BBS9: variants seen among roughly 807,000 people sequenced by gnomAD.
The protein encoded by BBS9 is Bardet-Biedl syndrome 9, also known as protein PTHB1.
A neutral mutation model predicts 117.7 loss-of-function variants in BBS9; 89 were observed. The ratio of observed to expected loss-of-function variants is 0.76; its 90% confidence interval spans 0.64 to 0.90. BBS9 has a LOEUF of 0.90. BBS9 is among the 40% of genes least tolerant of loss of function. The pLI, the probability that BBS9 is intolerant of heterozygous loss-of-function variation, is 0.00. For missense variants in BBS9, 982 were observed against 1,042.2 expected, an observed-to-expected ratio of 0.94 and a Z score of 0.80; for synonymous variants, 379 against 370.9, an observed-to-expected ratio of 1.02 and a Z score of -0.25.
At chr7:33,224,641 A>G (rs975602743) in intron 5 of BBS9, among the ~76,000 whole-genome samples, 7 of 152,004 alleles carry the variant, frequency 4.6e-5, no homozygotes, top group Non-Finnish European at 8.8e-5. Context: ...TACTTGTCGA[A>G]TAGGTTGGAT....
At chr7:33,233,141 T>G (rs1420520246) in intron 5 of BBS9, among the ~76,000 whole-genome samples, 2 of 152,160 alleles carry the variant, frequency 1.3e-5, no homozygotes, top group Non-Finnish European at 2.9e-5. Context: ...GCTGAAGTAA[T>G]CTTCAAGGTT....
intron 5 of BBS9, among the ~76,000 whole-genome samples, chr7:33,186,005 T>C (rs1798756733): frequency 6.6e-6 from 1 of 152,246 alleles, no homozygotes. Context: ...CTTTGTCTTT[T>C]ATTAAAAATA....
chr7:33,477,128 A>G (rs1356732842), intron 19 of BBS9, among the ~76,000 whole-genome samples: 3 of 152,208 alleles, frequency 2.0e-5, no homozygotes, highest in African/African-American at 7.2e-5. Context: ...TAAGATGGTG[A>G]TAATAAAGGT....
At chr7:33,164,968 G>A (rs577654564) in intron 4 of BBS9, among the ~76,000 whole-genome samples, 6 of 152,168 alleles carry the variant, frequency 3.9e-5, no homozygotes, top group Admixed American at 2.0e-4. Flanking sequence ...GGCTGATACC[G>A]GTCTTTCCTT....
At chr7:33,420,297 C>T (rs147409325) in intron 19 of BBS9, among the ~76,000 whole-genome samples, 8 of 152,274 alleles carry the variant, frequency 5.3e-5, no homozygotes, top group Non-Finnish European at 7.4e-5. Context: ...GACTGAGCTT[C>T]GGTTCTGACC....
At chr7:33,430,860 G>A (rs969471657) in intron 19 of BBS9, among the ~76,000 whole-genome samples, 2 of 152,090 alleles carry the variant, frequency 1.3e-5, no homozygotes, top group Non-Finnish European at 1.5e-5. Context: ...AAAAGAGTTG[G>A]CCGTAGGTGT....
Position 33,500,531 on chromosome 7 carries a change from C to A in BBS9, c.2116-4932C>A, listed in dbSNP as rs184561288. ...GGGACAGGGGGTCAGCAGTTCCTAT[C>A]TCAGAGGGTTGTCATGAGGACCACA... On this transcript the variant is annotated intron_variant, in intron 19 of 22. Transcript: ENST00000242067. Among the ~76,000 whole-genome samples, 22 of 152,272 alleles carry A rather than the reference C, an allele frequency of 1.4e-4. No homozygotes were observed. In the East Asian group the frequency reaches 4.2e-3, roughly 29 times the overall value.
At chr7:33,224,645 G>T (rs1790905856) in intron 5 of BBS9, among the ~76,000 whole-genome samples, 1 of 152,096 alleles carries the variant, frequency 6.6e-6, no homozygotes, top group African/African-American at 2.4e-5. Flanking sequence ...TGTCGAATAG[G>T]TTGGATTGTT....
intron 16 of BBS9, among the ~76,000 whole-genome samples, chr7:33,363,382 C>T (rs998956268): frequency 1.3e-5 from 2 of 152,196 alleles, no homozygotes; most frequent in African/African-American, 2.4e-5. Flanking sequence ...GGATTACAGG[C>T]GTGAGCCACC....
downstream of BBS9, among the ~76,000 whole-genome samples, chr7:33,607,203 A>G (rs1229514155): frequency 6.6e-6 from 1 of 152,152 alleles, no homozygotes; most frequent in South Asian, 2.1e-4. Context: ...CTAATCTCCT[A>G]AAAGAAGTCA....
intron 19 of BBS9, among the ~76,000 whole-genome samples, chr7:33,411,009 GT>G (rs1831029431): frequency 2.2e-5 from 2 of 91,590 alleles, no homozygotes; most frequent in Non-Finnish European, 4.6e-5. Flanking sequence ...TAAAATGTTG[GT>G]GTTTTTTTTT....
chr7:33,613,415 A>G (rs925227476), intron 21 of BBS9, among the ~76,000 whole-genome samples: 1 of 152,020 alleles, frequency 6.6e-6, no homozygotes, highest in Non-Finnish European at 1.5e-5. Flanking sequence ...CAAAGTTTGT[A>G]TATTTTCACT....
At chr7:33,233,646 A>C (rs889915564) in intron 5 of BBS9, among the ~76,000 whole-genome samples, 8 of 152,210 alleles carry the variant, frequency 5.3e-5, no homozygotes, top group African/African-American at 1.7e-4. Flanking sequence ...CTGTTCAGCT[A>C]TCATAGATGA....
intron 19 of BBS9, among the ~76,000 whole-genome samples, chr7:33,467,078 C>T (rs1840286230): frequency 6.6e-6 from 1 of 151,962 alleles, no homozygotes; most frequent in Non-Finnish European, 1.5e-5. Context: ...AACAAACATT[C>T]AAGGACTGTT....
intron 21 of BBS9, among the ~76,000 whole-genome samples, chr7:33,591,477 C>T (rs1207832233): frequency 6.6e-6 from 1 of 152,014 alleles, no homozygotes; most frequent in African/African-American, 2.4e-5. Flanking sequence ...GAGCAGTTGC[C>T]ACTGAATCCT....
chr7:33,601,398 G>C (rs1863770597), intron 21 of BBS9, among the ~76,000 whole-genome samples: 1 of 152,048 alleles, frequency 6.6e-6, no homozygotes, highest in African/African-American at 2.4e-5. Flanking sequence ...ACTTCATCTG[G>C]AGTCCATAGA....
At chr7:33,230,759 T>C (rs1792208822) in intron 5 of BBS9, among the ~76,000 whole-genome samples, 1 of 152,218 alleles carries the variant, frequency 6.6e-6, no homozygotes, top group Non-Finnish European at 1.5e-5. Context: ...TATTTTGTTC[T>C]TTATGACTGA....
intron 19 of BBS9, among the ~76,000 whole-genome samples, chr7:33,468,643 C>T (rs1419912): frequency 0.2 from 30,204 of 152,036 alleles, 3,646 homozygotes; most frequent in Admixed American, 0.36. Flanking sequence ...CGTTAACCAA[C>T]CTCTCTGCCT....
At chr7:33,169,694 G>A (rs1796238389) in intron 4 of BBS9, among the ~76,000 whole-genome samples, 2 of 151,880 alleles carry the variant, frequency 1.3e-5, no homozygotes, top group African/African-American at 4.8e-5. Flanking sequence ...TGAGTTCATT[G>A]TAGATTCTGG....
Sources: allele counts gnomAD v4.1 joint callset (sites outside exome capture counted in the v4.1 genomes callset), GRCh38; gene constraint gnomAD v4.1.1; transcripts MANE v1.5; gene names NCBI Gene and HGNC (gene_info 2026-07-23, HGNC 2026-07-21).